FAAP20: variants seen among roughly 807,000 people sequenced by gnomAD.
FAAP20 encodes the protein FA core complex associated protein 20.
Under a neutral mutation model 16.2 loss-of-function variants are expected in FAAP20, and 12 were observed. The ratio of observed to expected loss-of-function variants is 0.74; its 90% confidence interval spans 0.48 to 1.20. The LOEUF is 1.20. Among genes scored for constraint, FAAP20 ranks in the 50% most tolerant of loss-of-function variants. The pLI, the probability that FAAP20 is intolerant of heterozygous loss-of-function variation, is 0.00. For missense variants in FAAP20, 288 were observed against 245.8 expected (o/e 1.17, Z -1.15); for synonymous variants, 141 against 110.7 (o/e 1.27, Z -1.72).
chr1:2,189,955 G>A (rs970052895), intron 3 of FAAP20, 174 bp from the exon 4 acceptor site: 17 of 643,920 alleles, frequency 2.6e-5, no homozygotes, highest in Non-Finnish European at 3.1e-5. Flanking sequence ...CACGGTAACC[G>A]CCAGTGGTGT....
At chr1:2,199,216 C>T (rs765281628), upstream of FAAP20, 66 of 1,166,090 alleles carry the variant, frequency 5.7e-5, no homozygotes, top group Non-Finnish European at 7.1e-5. This position sits in a 1 kb window ranked among gnomAD's most constrained non-coding sequence, Gnocchi z 4.5. Flanking sequence ...GGGCCAGCCG[C>T]CCTCTCTCAA....
Position 2,192,835 on chromosome 1 carries a change from A to C in FAAP20, c.470+804T>G, listed in dbSNP as rs922285877. 4.5e-5 allele frequency: 56 copies of C among 1,246,192 alleles called. No homozygotes were observed. In the African/African-American group the frequency reaches 8.0e-4, roughly 18 times the overall value. 77.2% of individuals were successfully genotyped at this position (1,246,192 alleles called of 1,614,324 possible). A position where few individuals can be genotyped will look rare whatever the true frequency, so the allele number is the denominator to read the frequency against. ...GGCTGGTCTCAAACTCCTGGGCTCC[A>C]GCAACCCACCTGCCTCAGCCTCTCA... On this transcript the variant is annotated intron_variant, in intron 3 of 3. Coordinates refer to ENST00000378546, the MANE Select transcript of FAAP20 (RefSeq NM_182533.4).
downstream of FAAP20, among the ~76,000 whole-genome samples, chr1:2,189,187 G>C (rs999373496): frequency 2.0e-5 from 3 of 151,636 alleles, no homozygotes; most frequent in African/African-American, 7.3e-5. Flanking sequence ...ACTAAAAGTC[G>C]CTGGGTGTGG....
upstream of FAAP20, chr1:2,200,097 G>A (rs1265592967): frequency 6.6e-6 from 1 of 150,384 alleles, no homozygotes; most frequent in East Asian, 1.9e-4. Flanking sequence ...AAGAGAGAGA[G>A]AAAGAAAAGG....
chr1:2,199,690 G>A (rs1003053649), upstream of FAAP20: 20 of 944,242 alleles, frequency 2.1e-5, no homozygotes, highest in African/African-American at 1.4e-4. This position sits in a 1 kb window ranked among gnomAD's most constrained non-coding sequence, Gnocchi z 4.5. Flanking sequence ...GGCCTCGCTC[G>A]GAAGCAAGGT....
downstream of FAAP20, among the ~76,000 whole-genome samples, chr1:2,189,179 TA>T (rs775336475): frequency 4.1e-5 from 6 of 147,330 alleles, no homozygotes; most frequent in Non-Finnish European, 9.0e-5. Flanking sequence ...CAAAAAATAC[TA>T]AAAGTCGCTG....
At chr1:2,203,603 G>A (rs550124826), upstream of FAAP20, 9 of 985,940 alleles carry the variant, frequency 9.1e-6, no homozygotes, top group African/African-American at 1.6e-4. Flanking sequence ...TTCTCAGAAG[G>A]ACTCCAGGAT....
At chr1:2,203,668 T>C (rs1032176081), upstream of FAAP20, 19 of 984,456 alleles carry the variant, frequency 1.9e-5, no homozygotes, top group African/African-American at 3.1e-4. Context: ...GGCCGGCTGC[T>C]GGGCCTGTCC....
downstream of FAAP20, chr1:2,185,335 G>T (rs758234226): frequency 9.7e-6 from 7 of 718,816 alleles, no homozygotes; most frequent in South Asian, 1.0e-4. Flanking sequence ...GCACTGACCT[G>T]CTCCGCCAGG....
chr1:2,201,198 G>T, upstream of FAAP20: 1 of 1,234,812 alleles, frequency 8.1e-7, no homozygotes, highest in Non-Finnish European at 1.0e-6. Context: ...CCGTGGGGTG[G>T]CTCCATCCAA....
chr1:2,192,920 T>A (rs894625424), intron 3 of FAAP20: 52 of 1,304,042 alleles, frequency 4.0e-5, no homozygotes, highest in Non-Finnish European at 5.3e-5. Flanking sequence ...TTGTTGTTGT[T>A]GTTGGCTGCC....
At chr1:2,198,288 G>C (rs1033073653), upstream of FAAP20, 7 of 810,538 alleles carry the variant, frequency 8.6e-6, no homozygotes, top group South Asian at 1.7e-5. Context: ...CGAGTGGGTG[G>C]GGGCATCAGA....
downstream of FAAP20, chr1:2,185,547 C>T (rs1320251038): frequency 2.8e-6 from 2 of 712,736 alleles, no homozygotes; most frequent in Admixed American, 2.0e-5. Flanking sequence ...GAATTGTTTC[C>T]TAAAAACCCC....
upstream of FAAP20, among the ~76,000 whole-genome samples, chr1:2,201,558 C>A (rs1689048214): frequency 2.0e-5 from 3 of 152,088 alleles, no homozygotes; most frequent in Admixed American, 1.3e-4. Flanking sequence ...CCCATCTCTA[C>A]TAAAAATACA....
At chr1:2,200,699 A>G (rs557264358), upstream of FAAP20, 10 of 987,206 alleles carry the variant, frequency 1.0e-5, no homozygotes, top group East Asian at 4.5e-4. Flanking sequence ...GCCGCCACGC[A>G]CCAAGTTCAG....
chr1:2,210,243 A>T (rs1235108218), downstream of FAAP20, among the ~76,000 whole-genome samples: 2 of 152,172 alleles, frequency 1.3e-5, no homozygotes, highest in African/African-American at 4.8e-5. Context: ...GGAGGGTAGG[A>T]ATGTGAGCCT....
intron 3 of FAAP20, chr1:2,193,372 C>A (rs969742105): frequency 1.8e-6 from 1 of 565,778 alleles, no homozygotes; most frequent in African/African-American, 1.9e-5. Context: ...CCAGGTGGAC[C>A]CGGGGCCAGT....
chr1:2,202,309 A>G (rs1042122745), upstream of FAAP20, among the ~76,000 whole-genome samples: 43 of 152,234 alleles, frequency 2.8e-4, 1 homozygote, highest in African/African-American at 1.0e-3. Flanking sequence ...CATCACCACG[A>G]GCCCCAGCTA....
At position 2,199,859 on chromosome 1, in the gene FAAP20, CTT is replaced by C. The variant is rs1365119243; in HGVS notation, n.47_48del. Reference sequence around the variant, plus strand: ...TTGGGAGGCCGAGGCGGGCAGATCACTTGAGGTCAGGAGTTCTAGACCAGCCT... The same window carrying C: ...TTGGGAGGCCGAGGCGGGCAGATCACGAGGTCAGGAGTTCTAGACCAGCCT... On this transcript the variant is annotated non_coding_transcript_exon_variant, in exon 1 of 4. Transcript: ENST00000401813. The surrounding 1 kb of genome is among the most constrained non-coding windows in gnomAD (Gnocchi z 4.5). 3 of 160,144 alleles carry C rather than the reference CTT, an allele frequency of 1.9e-5. No homozygotes were observed. Among genetic ancestry groups the C allele is most frequent in the African/African-American group, 7.3e-5 (3 of 40,996 alleles). 9.9% of individuals were successfully genotyped at this position (160,144 alleles called of 1,614,324 possible). A position where few individuals can be genotyped will look rare whatever the true frequency, so the allele number is the denominator to read the frequency against.
Sources: gnomAD v4.1 joint callset for allele counts (sites outside exome capture counted in the v4.1 genomes callset) on GRCh38, gnomAD v4.1.1 for gene constraint, Gnocchi (gnomAD v3.1) non-coding constraint, MANE v1.5 for transcripts, NCBI Gene and HGNC (gene_info 2026-07-23, HGNC 2026-07-21) for gene names.